Variants in SLA2 observed in about 807,000 individuals in gnomAD.
The protein encoded by SLA2 is src-like-adapter 2.
A neutral mutation model predicts 27.3 loss-of-function variants in SLA2; 22 were observed. The ratio of observed to expected loss-of-function variants is 0.81; its 90% CI spans 0.58 to 1.15. The LOEUF (loss-of-function observed/expected upper bound fraction) is 1.15, where lower values mean the gene tolerates loss of function less well. SLA2 is among the 50% of genes most tolerant of loss of function. The pLI is 0.00. For synonymous variants in SLA2, 131 were observed against 137.8 expected, an observed-to-expected ratio of 0.95 and a Z score of 0.34; for missense variants, 304 against 322.2, an observed-to-expected ratio of 0.94 and a Z score of 0.43.
intron 1 of SLA2, among the ~76,000 whole-genome samples, chr20:36,644,597 A>C (rs1216580968): frequency 1.3e-5 from 2 of 152,228 alleles, no homozygotes; most frequent in East Asian, 3.8e-4. Flanking sequence ...GCCTCCCCAA[A>C]GTCTCTGCAG....
intron 5 of SLA2, among the ~76,000 whole-genome samples, chr20:36,619,854 G>A (rs919443882): frequency 6.6e-6 from 1 of 150,484 alleles, no homozygotes; most frequent in Non-Finnish European, 1.5e-5. Context: ...GGATGGTCTC[G>A]ATCTCCTGAC....
chr20:36,614,936 G>A, intron 6 of SLA2: 1 of 985,406 alleles, frequency 1.0e-6, no homozygotes, highest in Non-Finnish European at 1.2e-6. Context: ...CCCGGTTCCT[G>A]TGGAGAGAAC....
chr20:36,619,944 T>G (rs2039262733), intron 5 of SLA2, among the ~76,000 whole-genome samples: 1 of 151,574 alleles, frequency 6.6e-6, no homozygotes, highest in South Asian at 2.1e-4. Context: ...AAAAAAATTT[T>G]TTTTTAATTA....
chr20:36,631,467 G>T (rs2039392924), intron 5 of SLA2, among the ~76,000 whole-genome samples: 1 of 152,166 alleles, frequency 6.6e-6, no homozygotes, highest in Admixed American at 6.5e-5. Flanking sequence ...ATTATTTTTA[G>T]AAATGCAGAT....
chr20:36,625,813 T>G (rs1399815038), intron 5 of SLA2, among the ~76,000 whole-genome samples: 5 of 116,398 alleles, frequency 4.3e-5, no homozygotes, highest in African/African-American at 6.8e-5. Flanking sequence ...GGCAATAGAG[T>G]GAGATCCTGT....
chr20:36,614,498 C>G (rs1183878642), intron 6 of SLA2, 61 bp from the exon 7 acceptor site: 3 of 1,537,964 alleles, frequency 2.0e-6, no homozygotes, highest in Non-Finnish European at 2.6e-6. Flanking sequence ...CCCAACAGCC[C>G]TCACCCTGAC....
In SLA2 at chr20:36,633,717, G is replaced by C. The variant is rs543516405; in HGVS notation, c.192-88C>G. On this transcript the variant is annotated intron_variant, in intron 3 of 7. Transcript: ENST00000262866. ...TTCAGGGCTTGCAAGGACCCTCTCAGGCTGGATCCTGTGGCCACCTGTCCT... is the reference window on the plus strand; with the variant it reads ...TTCAGGGCTTGCAAGGACCCTCTCACGCTGGATCCTGTGGCCACCTGTCCT... The C allele has an allele frequency of 1.5e-3, 1,712 of 1,126,104 alleles. 1 individual carries two copies. Among genetic ancestry groups the C allele is most frequent in the Non-Finnish European group, 2.1e-3 (1,566 of 755,086 alleles). The allele number at this position is 1,126,104 out of a possible 1,614,324, so 69.8% of individuals were successfully genotyped here. A position where few individuals can be genotyped will look rare whatever the true frequency, so the allele number is the denominator to read the frequency against.
At chr20:36,615,948 G>C (rs917307084) in intron 5 of SLA2, among the ~76,000 whole-genome samples, 8 of 152,206 alleles carry the variant, frequency 5.3e-5, no homozygotes, top group African/African-American at 1.9e-4. Context: ...GTGGATTATA[G>C]AGTGTAGTGC....
chr20:36,636,957 C>A (rs1212878469), intron 2 of SLA2, among the ~76,000 whole-genome samples: 1 of 151,498 alleles, frequency 6.6e-6, no homozygotes, highest in Non-Finnish European at 1.5e-5. Context: ...TCCCCCACCC[C>A]CCCCAAAAAA....
chr20:36,612,435 A>C lies in SLA2; in HGVS notation c.*1431T>G. ...TTTTTAAACTATCAATGGCATTTCA[A>C]GTCTTCTGAAACAGCATGGCTGTAT... On this transcript the variant is annotated 3_prime_UTR_variant, in exon 8 of 8. Coordinates refer to ENST00000262866, the MANE Select transcript of SLA2 (RefSeq NM_032214.4). 1 of 599,444 alleles carries C rather than the reference A, an allele frequency of 1.7e-6. No homozygotes were observed. Among genetic ancestry groups the C allele is most frequent in the East Asian group, 2.8e-5 (1 of 35,246 alleles). The allele number at this position is 599,444 out of a possible 1,614,324, so 37.1% of individuals were successfully genotyped here.
At chr20:36,633,421 G>T in intron 4 of SLA2, 122 bp downstream of exon 4, 1 of 792,684 alleles carries the variant, frequency 1.3e-6, no homozygotes. Context: ...TTGAGGGCAG[G>T]ACCTGGGTTC....
At chr20:36,626,767 C>T (rs1355338794) in intron 5 of SLA2, among the ~76,000 whole-genome samples, 4 of 150,902 alleles carry the variant, frequency 2.7e-5, no homozygotes, top group Non-Finnish European at 5.9e-5. Flanking sequence ...TGGCGTGAAA[C>T]CGGGAGGCAG....
intron 7 of SLA2, 74 bp downstream of exon 7, chr20:36,614,231 G>C (rs2039178201): frequency 6.2e-7 from 1 of 1,610,178 alleles, no homozygotes; most frequent in Non-Finnish European, 8.5e-7. Context: ...TACATTCCGG[G>C]TTGTGGCTTC....
intron 3 of SLA2, 82 bp downstream of exon 3, chr20:36,634,408 C>T: frequency 9.2e-7 from 1 of 1,090,082 alleles, no homozygotes; most frequent in Non-Finnish European, 1.3e-6. Flanking sequence ...CTAAGCCTCC[C>T]AGACAGCTAG....
chr20:36,639,322 T>TCTC (rs901216969), intron 2 of SLA2, among the ~76,000 whole-genome samples: 16 of 151,858 alleles, frequency 1.1e-4, no homozygotes, highest in Non-Finnish European at 2.1e-4. Context: ...TTTCCCTGGG[T>TCTC]CTCCAGTCTG....
intron 5 of SLA2, among the ~76,000 whole-genome samples, chr20:36,623,864 A>G (rs1428724712): frequency 6.6e-6 from 1 of 152,072 alleles, no homozygotes; most frequent in Non-Finnish European, 1.5e-5. Context: ...TGTGGCTGGG[A>G]ATGCGCTAAA....
chr20:36,642,637 G>GT (rs1181614514), intron 1 of SLA2, among the ~76,000 whole-genome samples: 1 of 151,776 alleles, frequency 6.6e-6, no homozygotes, highest in African/African-American at 2.4e-5. Context: ...CCAGGCTGGA[G>GT]TGCAATAGCA....
Position 36,633,583 on chromosome 20 carries a change from ACT to A in SLA2, c.236_237del (p.Glu79ValfsTer2). 1.2e-6 allele frequency: 2 copies of A among 1,613,624 alleles called. No homozygotes were observed. The highest frequency in any genetic ancestry group is 1.7e-6 in the Non-Finnish European group (2 of 1,179,864). On this transcript the variant is annotated frameshift_variant, in exon 4 of 8. Coordinates refer to ENST00000262866, the MANE Select transcript of SLA2 (RefSeq NM_032214.4). LOFTEE classifies it high-confidence loss of function. ...GCCACGTGGACGCTGGGGATGTTAT[ACT>A]CTCTGCCTGAGACTTCAGACAGCAC... is the stretch of plus-strand genomic sequence containing the variant. Reference protein sequence around the residue: ...WTVLSEVSGREYNIPSVHVAK... With the variant: ...WTVLSEVSGRXYNIPSVHVAK...
At chr20:36,642,033 G>C (rs2039511629) in intron 1 of SLA2, among the ~76,000 whole-genome samples, 1 of 147,302 alleles carries the variant, frequency 6.8e-6, no homozygotes, top group South Asian at 2.2e-4. Flanking sequence ...GCGTGGTGGT[G>C]TGTACCTGTA....
Sources: allele counts gnomAD v4.1 joint callset (sites outside exome capture counted in the v4.1 genomes callset), GRCh38; gene constraint gnomAD v4.1.1; transcripts MANE v1.5; gene names NCBI Gene and HGNC (gene_info 2026-07-23, HGNC 2026-07-21).